RANBP2: variants seen among roughly 807,000 people sequenced by gnomAD.
RANBP2 encodes the protein RAN binding protein 2.
RANBP2 carries 57 observed loss-of-function variants against 303.6 expected under a neutral mutation model. The ratio of observed to expected loss-of-function variants is 0.19; its 90% CI spans 0.15 to 0.23. The LOEUF (loss-of-function observed/expected upper bound fraction) is 0.23. Ranked by LOEUF, RANBP2 falls within the 10% of genes least tolerant of loss-of-function variation. The probability of loss-of-function intolerance (pLI) is 1.00; values close to 1 mark genes in which losing one functional copy is unlikely to be tolerated. For missense variants in RANBP2, 3,138 were observed against 3,780.8 expected (o/e 0.83, Z 4.46); for synonymous variants, 1,167 against 1,301.5 (o/e 0.90, Z 2.23).
At chr2:109,431,743 C>G in the RANBP2 span, among the ~76,000 whole-genome samples, 1 of 152,158 alleles carries the variant, frequency 6.6e-6, no homozygotes, top group African/African-American at 2.4e-5. Flanking sequence ...TGGCGGTGCA[C>G]ACCTGTGGTC....
chr2:109,267,431 G>A, the RANBP2 span, among the ~76,000 whole-genome samples: 1 of 152,210 alleles, frequency 6.6e-6, no homozygotes, highest in Admixed American at 6.5e-5. Context: ...AAGAGAAGCA[G>A]CACTGAGGAA....
the RANBP2 span, chr2:109,437,174 G>A: frequency 1.3e-6 from 2 of 1,585,164 alleles, no homozygotes; most frequent in Non-Finnish European, 8.6e-7. Flanking sequence ...TCACCCTGCA[G>A]GGCATCAACA....
At chr2:109,533,483 A>G in the RANBP2 span, among the ~76,000 whole-genome samples, 10 of 152,214 alleles carry the variant, frequency 6.6e-5, no homozygotes, top group Non-Finnish European at 1.3e-4. Context: ...TTGGTGTGGA[A>G]TGCCCCAGGC....
chr2:108,994,794 TTATATATA>T, the RANBP2 span, among the ~76,000 whole-genome samples: 413 of 114,814 alleles, frequency 3.6e-3, 19 homozygotes, highest in African/African-American at 0.013. Flanking sequence ...GTGCATTGGG[TTATATATA>T]TATATATATA....
chr2:109,516,679 C>G, the RANBP2 span, among the ~76,000 whole-genome samples: 1 of 152,206 alleles, frequency 6.6e-6, no homozygotes, highest in Non-Finnish European at 1.5e-5. Flanking sequence ...GCCCCCAGCC[C>G]CAAAGCAGGG....
At chr2:109,540,712 G>A in the RANBP2 span, among the ~76,000 whole-genome samples, 1 of 149,628 alleles carries the variant, frequency 6.7e-6, no homozygotes, top group African/African-American at 2.5e-5. Context: ...AAGGCAGGAG[G>A]ACTGCTGGAG....
the RANBP2 span, among the ~76,000 whole-genome samples, chr2:109,350,826 G>A: frequency 3.9e-5 from 6 of 152,316 alleles, no homozygotes; most frequent in African/African-American, 1.4e-4. Context: ...CCCCTCTGGG[G>A]AATGTTTTTA....
the RANBP2 span, among the ~76,000 whole-genome samples, chr2:109,596,542 A>G: frequency 6.6e-6 from 1 of 151,960 alleles, no homozygotes; most frequent in Non-Finnish European, 1.5e-5. Flanking sequence ...GCGTGAACCC[A>G]GGAGGCAGAG....
At chr2:108,726,149 G>A (rs1649341) in intron 1 of RANBP2, among the ~76,000 whole-genome samples, 55,741 of 151,958 alleles carry the variant, frequency 0.37, 13,776 homozygotes, top group African/African-American at 0.71. Flanking sequence ...AATTGCAAAC[G>A]GTTCTGAATA....
the RANBP2 span, among the ~76,000 whole-genome samples, chr2:108,831,273 C>T: frequency 6.6e-5 from 10 of 152,188 alleles, no homozygotes; most frequent in Admixed American, 1.3e-4. Flanking sequence ...TGATCTTAAA[C>T]GTTGAAAGGA....
chr2:109,057,695 C>T, the RANBP2 span, among the ~76,000 whole-genome samples: 50 of 152,202 alleles, frequency 3.3e-4, no homozygotes, highest in Admixed American at 2.4e-3. Context: ...ATGCATCTGA[C>T]GGTGGGGAGA....
At chr2:109,766,800 T>A in the RANBP2 span, among the ~76,000 whole-genome samples, 1 of 150,208 alleles carries the variant, frequency 6.7e-6, no homozygotes. Context: ...GATTTTTTTT[T>A]ATTTTAATTT....
chr2:109,609,017 C>G, the RANBP2 span, among the ~76,000 whole-genome samples: 1 of 152,170 alleles, frequency 6.6e-6, no homozygotes, highest in East Asian at 1.9e-4. Context: ...TAAGAGCATC[C>G]TTCTCCTTCT....
At chr2:109,613,940 C>G in the RANBP2 span, 1 of 1,209,386 alleles carries the variant, frequency 8.3e-7, no homozygotes, top group Non-Finnish European at 1.0e-6. Flanking sequence ...GGGCGCGAGG[C>G]TAGGCTGCCT....
At chr2:109,159,296 G>A in the RANBP2 span, among the ~76,000 whole-genome samples, 1 of 152,300 alleles carries the variant, frequency 6.6e-6, no homozygotes, top group Admixed American at 6.5e-5. Flanking sequence ...TCTCAGGACC[G>A]CTGCTGTACC....
At chr2:109,094,453 C>A in the RANBP2 span, among the ~76,000 whole-genome samples, 1 of 152,062 alleles carries the variant, frequency 6.6e-6, no homozygotes, top group African/African-American at 2.4e-5. Context: ...GCCAGTAATC[C>A]AATTAAGAAA....
rs771765995 is a variant in RANBP2 at position 108,777,192 on chromosome 2, G to A, written c.8560G>A (p.Ala2854Thr). ...CACAGGGCTCTCATTTGCAGACTTGGCTTCCAGTAATTCTGGAGATTTTGC... is the reference window on the plus strand; with the variant it reads ...CACAGGGCTCTCATTTGCAGACTTGACTTCCAGTAATTCTGGAGATTTTGC... ...SSTGLSFADLASSNSGDFAFG... is the reference protein window; with the variant it reads ...SSTGLSFADLTSSNSGDFAFG... Residue 2854 changes from alanine to threonine, a missense_variant, in exon 25 of 29, where the codon GCT becomes ACT. By Grantham distance (58) the Ala-to-Thr change is moderately conservative. Coordinates refer to ENST00000283195, the MANE Select transcript of RANBP2 (RefSeq NM_006267.5). The A allele has an allele frequency of 6.2e-7, 1 of 1,613,510 alleles. No homozygotes were observed. Among genetic ancestry groups the A allele is most frequent in the African/African-American group, 1.3e-5 (1 of 75,006 alleles).
chr2:108,910,286 A>T, the RANBP2 span, among the ~76,000 whole-genome samples: 1 of 152,120 alleles, frequency 6.6e-6, no homozygotes, highest in East Asian at 1.9e-4. Context: ...CAGGCTCCTC[A>T]CACCACCTGA....
At chr2:109,056,280 C>T in the RANBP2 span, among the ~76,000 whole-genome samples, 16 of 152,272 alleles carry the variant, frequency 1.1e-4, no homozygotes, top group African/African-American at 3.9e-4. Flanking sequence ...GGTCCTCCTG[C>T]CTCAGCCTGT....
Sources: gnomAD v4.1 joint callset for allele counts (sites outside exome capture counted in the v4.1 genomes callset) on GRCh38, gnomAD v4.1.1 for gene constraint, MANE v1.5 for transcripts, NCBI Gene and HGNC (gene_info 2026-07-23, HGNC 2026-07-21) for gene names.